GDA: variants seen among roughly 807,000 people sequenced by gnomAD.
The protein encoded by GDA is cytoplasmic PSD-95 interactor.
Under a neutral mutation model 59.6 loss-of-function variants are expected in GDA, and 18 were observed. The observed-to-expected ratio is 0.30, with a 90% CI of 0.21 to 0.45. The LOEUF is 0.45. Ranked by LOEUF, GDA falls within the 20% of genes least tolerant of loss-of-function variation. The probability of loss-of-function intolerance (pLI) is 1.00; values close to 1 mark genes in which losing one functional copy is unlikely to be tolerated. For missense variants in GDA, 427 were observed against 552.3 expected, an observed-to-expected ratio of 0.77 and a Z score of 2.27; for synonymous variants, 201 against 201.1, an observed-to-expected ratio of 1.00 and a Z score of 0.00.
intron 1 of GDA, among the ~76,000 whole-genome samples, chr9:72,135,160 G>T (rs980181559): frequency 6.6e-6 from 1 of 151,532 alleles, no homozygotes; most frequent in Non-Finnish European, 1.5e-5. Context: ...TTACAAATAA[G>T]TACTTTTTTT....
rs1305416923 is a variant in GDA, at chr9:72,149,468, G to C, written c.-92G>C. 8.2e-6 allele frequency: 12 copies of C among 1,472,288 alleles called. No homozygotes were observed. Among genetic ancestry groups the C allele is most frequent in the Admixed American group, 1.9e-5 (1 of 52,700 alleles). 91.2% of individuals were successfully genotyped at this position (1,472,288 alleles called of 1,614,324 possible). A position where few individuals can be genotyped will look rare whatever the true frequency, so the allele number is the denominator to read the frequency against. ...ACAAGGCCGGAGCCTGTGTCCGCCC[G>C]GCAGCCGCCCGCAGCTGCAGAGAGT... is the stretch of plus-strand genomic sequence containing the variant. On this transcript the variant is annotated 5_prime_UTR_variant, in exon 1 of 14. Coordinates refer to ENST00000358399, the MANE Select transcript of GDA (RefSeq NM_004293.5).
chr9:72,228,461 C>T, intron 9 of GDA: 1 of 158,960 alleles, frequency 6.3e-6, no homozygotes, highest in Non-Finnish European at 1.4e-5. Context: ...CCCTGTTGGA[C>T]CTGACGGAAT....
intron 1 of GDA, among the ~76,000 whole-genome samples, chr9:72,185,389 T>C (rs568138442): frequency 1.6e-4 from 24 of 152,346 alleles, no homozygotes; most frequent in African/African-American, 5.5e-4. Flanking sequence ...AAGTCCCTCA[T>C]GCCTCATGCT....
chr9:72,147,694 G>A (rs889757708), upstream of GDA, among the ~76,000 whole-genome samples: 8 of 151,720 alleles, frequency 5.3e-5, no homozygotes, highest in Non-Finnish European at 8.8e-5. Flanking sequence ...TTTTAGGAAA[G>A]TAATACATCT....
At chr9:72,220,231 A>T (rs1200337712) in intron 6 of GDA, among the ~76,000 whole-genome samples, 3 of 152,236 alleles carry the variant, frequency 2.0e-5, no homozygotes, top group Admixed American at 6.5e-5. Context: ...ATCTAAAAAA[A>T]GTCAAACTTA....
intron 8 of GDA, among the ~76,000 whole-genome samples, chr9:72,226,794 G>A (rs1389346421): frequency 6.6e-6 from 1 of 152,144 alleles, no homozygotes; most frequent in Non-Finnish European, 1.5e-5. Flanking sequence ...TTTGAACAGA[G>A]ATTGGGAAAG....
rs1407466890 is a variant in GDA at position 72,166,760 on chromosome 9, T to C, written c.123+17078T>C. Among the ~76,000 whole-genome samples the C allele has an allele frequency of 3.3e-5, 5 of 152,194 alleles. 1 individual carries two copies. The highest frequency in any genetic ancestry group is 7.2e-5 in the African/African-American group (3 of 41,454). ...CTTCTCCACCTTTTTGTTCACACTC[T>C]TAATGCCCTTACTCTCTTTTCTCGC... On this transcript the variant is annotated intron_variant, in intron 1 of 13. Coordinates refer to ENST00000358399, the MANE Select transcript of GDA (RefSeq NM_004293.5).
chr9:72,143,257 G>T (rs560873939), intron 1 of GDA, among the ~76,000 whole-genome samples: 2 of 151,140 alleles, frequency 1.3e-5, no homozygotes, highest in South Asian at 2.1e-4. Flanking sequence ...AGCCTCCCGA[G>T]TAGCTGGGAT....
downstream of GDA, among the ~76,000 whole-genome samples, chr9:72,259,472 T>C (rs1466667327): frequency 6.6e-6 from 1 of 152,214 alleles, no homozygotes; most frequent in Non-Finnish European, 1.5e-5. Context: ...TTTTTGTGGT[T>C]AGTTGTGGCC....
At chr9:72,253,271 G>GA (rs1367378873), downstream of GDA, 1 of 152,134 alleles carries the variant, frequency 6.6e-6, no homozygotes, top group Non-Finnish European at 1.5e-5. Context: ...GCTGGAAATG[G>GA]AACATTCTCA....
At chr9:72,128,327 G>C (rs1267378582) in intron 1 of GDA, among the ~76,000 whole-genome samples, 1 of 152,112 alleles carries the variant, frequency 6.6e-6, no homozygotes, top group Admixed American at 6.5e-5. Context: ...TCAAATAATG[G>C]AGTGATAGAG....
chr9:72,133,300 A>T (rs1398316870), intron 1 of GDA, among the ~76,000 whole-genome samples: 5 of 138,072 alleles, frequency 3.6e-5, no homozygotes, highest in Admixed American at 1.6e-4. Context: ...AAAAAAAAAA[A>T]AAAAAAAAAA....
chr9:72,226,137 T>G (rs1837555693), intron 8 of GDA, among the ~76,000 whole-genome samples: 1 of 152,146 alleles, frequency 6.6e-6, no homozygotes, highest in Non-Finnish European at 1.5e-5. Flanking sequence ...CAGTATCTAT[T>G]AGAATGTAAA....
chr9:72,256,471 G>C, downstream of GDA, among the ~76,000 whole-genome samples: 1 of 152,200 alleles, frequency 6.6e-6, no homozygotes, highest in East Asian at 1.9e-4. Flanking sequence ...AACTGGTTCT[G>C]TTGGGTACAT....
downstream of GDA, among the ~76,000 whole-genome samples, chr9:72,258,829 C>A (rs1840911778): frequency 6.6e-6 from 1 of 152,118 alleles, no homozygotes; most frequent in Non-Finnish European, 1.5e-5. Flanking sequence ...GGACACAGGT[C>A]TTCTGCTGCA....
chr9:72,239,854 C>T (rs1057300114), intron 10 of GDA, among the ~76,000 whole-genome samples: 3 of 152,010 alleles, frequency 2.0e-5, no homozygotes, highest in African/African-American at 7.2e-5. Flanking sequence ...AGTTTAAGGA[C>T]ATGTAGGATA....
chr9:72,121,988 G>T (rs1825678542), intron 1 of GDA, among the ~76,000 whole-genome samples: 1 of 152,002 alleles, frequency 6.6e-6, no homozygotes, highest in East Asian at 1.9e-4. Flanking sequence ...TAAATCTCTG[G>T]GGTTGAAGTT....
intron 10 of GDA, among the ~76,000 whole-genome samples, chr9:72,239,982 G>A (rs1275110809): frequency 3.9e-5 from 6 of 152,118 alleles, no homozygotes. Context: ...ATGACAGAAG[G>A]AACACTTGAA....
chr9:72,184,649 A>G (rs927482765), intron 1 of GDA, among the ~76,000 whole-genome samples: 4 of 152,144 alleles, frequency 2.6e-5, no homozygotes, highest in African/African-American at 4.8e-5. Flanking sequence ...TCCTTCATCT[A>G]TCAAGGAGTG....
Sources: allele counts gnomAD v4.1 joint callset (sites outside exome capture counted in the v4.1 genomes callset), GRCh38; gene constraint gnomAD v4.1.1; transcripts MANE v1.5; gene names NCBI Gene and HGNC (gene_info 2026-07-23, HGNC 2026-07-21).